The following SPATA17 variants were observed in gnomAD, a reference collection of about 807,000 sequenced individuals.
SPATA17 encodes the protein spermatogenesis associated 17.
A neutral mutation model predicts 62.2 loss-of-function variants in SPATA17; 53 were observed. The observed-to-expected ratio is 0.85, with a 90% confidence interval of 0.68 to 1.07. The LOEUF is 1.07. Among genes scored for constraint, SPATA17 ranks in the 50% least tolerant of loss-of-function variants. The pLI, the probability that SPATA17 is intolerant of heterozygous loss-of-function variation, is 0.00. For missense variants in SPATA17, 466 were observed against 425.5 expected, an observed-to-expected ratio of 1.10 and a Z score of -0.84; for synonymous variants, 146 against 146.8, an observed-to-expected ratio of 0.99 and a Z score of 0.04.
intron 9 of SPATA17, among the ~76,000 whole-genome samples, chr1:217,811,709 A>G (rs1050835619): frequency 6.6e-6 from 1 of 151,748 alleles, no homozygotes; most frequent in Non-Finnish European, 1.5e-5. Context: ...AAAAAAAAAA[A>G]ACTATGTCTC....
chr1:217,713,854 A>T (rs1671933832), intron 5 of SPATA17, among the ~76,000 whole-genome samples: 1 of 152,232 alleles, frequency 6.6e-6, no homozygotes, highest in African/African-American at 2.4e-5. Flanking sequence ...ACGCTACTTC[A>T]TGTTTACAAA....
At chr1:217,770,864 G>A in intron 6 of SPATA17, among the ~76,000 whole-genome samples, 1 of 151,224 alleles carries the variant, frequency 6.6e-6, no homozygotes, top group East Asian at 1.9e-4. Flanking sequence ...TGGTACGTTT[G>A]CTCGTTGCTC....
intron 6 of SPATA17, among the ~76,000 whole-genome samples, chr1:217,764,586 A>G (rs1673253089): frequency 6.6e-6 from 1 of 152,146 alleles, no homozygotes; most frequent in African/African-American, 2.4e-5. Context: ...GTAAATATAT[A>G]AGAACACAAT....
rs1676111157 is a variant in SPATA17, at chr1:217,870,628, C to T, written c.*3609C>T. On this transcript the variant is annotated 3_prime_UTR_variant, in exon 11 of 11. Transcript: ENST00000366933. ...TTATGTTTGACCAAAGCTGGTAATT[C>T]CTTGATCTTATTCTCCAAACTTGAT... 6.6e-6 allele frequency: 1 copy of T among 152,124 alleles called. No individual in the cohort carries two copies. Among genetic ancestry groups the T allele is most frequent in the Non-Finnish European group, 1.5e-5 (1 of 68,040 alleles). 9.4% of individuals were successfully genotyped at this position (152,124 alleles called of 1,614,324 possible).
chr1:217,847,593 C>T (rs1183194107), intron 9 of SPATA17, among the ~76,000 whole-genome samples: 2 of 152,038 alleles, frequency 1.3e-5, no homozygotes, highest in Non-Finnish European at 2.9e-5. Context: ...TACTAATTTC[C>T]GTTGACTATC....
chr1:217,705,001 A>G (rs556989719), intron 5 of SPATA17, among the ~76,000 whole-genome samples: 1 of 152,198 alleles, frequency 6.6e-6, no homozygotes, highest in African/African-American at 2.4e-5. Flanking sequence ...AAAAGGCTCA[A>G]CTAATTTACA....
At chr1:217,847,505 A>G (rs1196680578) in intron 9 of SPATA17, among the ~76,000 whole-genome samples, 1 of 152,132 alleles carries the variant, frequency 6.6e-6, no homozygotes, top group African/African-American at 2.4e-5. Context: ...TGAAATATAG[A>G]CATTAAATAT....
At chr1:217,830,548 G>T (rs1477745437) in intron 9 of SPATA17, among the ~76,000 whole-genome samples, 1 of 152,050 alleles carries the variant, frequency 6.6e-6, no homozygotes, top group East Asian at 1.9e-4. Flanking sequence ...TCATTTTATT[G>T]TGATATACTT....
At chr1:217,650,493 T>G (rs904782997) in intron 2 of SPATA17, among the ~76,000 whole-genome samples, 4 of 151,810 alleles carry the variant, frequency 2.6e-5, no homozygotes, top group African/African-American at 7.3e-5. Context: ...CTCGGCTCAC[T>G]GCAACCTCTG....
chr1:217,696,447 C>A (rs1001820305), intron 5 of SPATA17, among the ~76,000 whole-genome samples: 3 of 152,184 alleles, frequency 2.0e-5, no homozygotes, highest in Non-Finnish European at 4.4e-5. Context: ...AGAAATCACC[C>A]GTCTTCTGCG....
At chr1:217,641,006 G>A (rs6679200) in intron 1 of SPATA17, among the ~76,000 whole-genome samples, 7,795 of 151,946 alleles carry the variant, frequency 0.051, 659 homozygotes, top group African/African-American at 0.18. Flanking sequence ...TTGAGCATCG[G>A]TTAATCAGGT....
In SPATA17 at chr1:217,669,103, T is replaced by G; in HGVS notation, c.291+20T>G. 6.2e-7 allele frequency: 1 copy of G among 1,606,716 alleles called. No homozygotes were observed. Among genetic ancestry groups the G allele is most frequent in the South Asian group, 1.1e-5 (1 of 89,876 alleles). On this transcript the variant is annotated intron_variant, in intron 4 of 10. Transcript: ENST00000366933. ...GTCAGGGTAAATATTTCTTCACTTG[T>G]TAAACAAATGAAAAGTCAATTGTGC...
intron 5 of SPATA17, among the ~76,000 whole-genome samples, chr1:217,706,603 G>A (rs966478030): frequency 6.6e-6 from 1 of 152,172 alleles, no homozygotes; most frequent in Non-Finnish European, 1.5e-5. Context: ...ATGATTGTAA[G>A]TTTCCTAAGG....
intron 5 of SPATA17, among the ~76,000 whole-genome samples, chr1:217,732,027 C>G (rs1277426324): frequency 6.6e-6 from 1 of 151,840 alleles, no homozygotes; most frequent in African/African-American, 2.4e-5. Flanking sequence ...CTAAATCTAT[C>G]CTTTTCCCCT....
chr1:217,663,316 G>A (rs913833390), intron 3 of SPATA17, among the ~76,000 whole-genome samples: 9 of 151,752 alleles, frequency 5.9e-5, no homozygotes, highest in South Asian at 2.1e-4. Flanking sequence ...ATAGTGGCTC[G>A]CGCTTGTAAT....
chr1:217,746,905 T>C (rs1480776711), intron 6 of SPATA17, among the ~76,000 whole-genome samples: 2 of 152,046 alleles, frequency 1.3e-5, no homozygotes, highest in African/African-American at 2.4e-5. Flanking sequence ...TGGTACCTTA[T>C]TTGCATAAAT....
chr1:217,795,776 T>C (rs1674120909), intron 8 of SPATA17, among the ~76,000 whole-genome samples: 1 of 152,032 alleles, frequency 6.6e-6, no homozygotes, highest in Admixed American at 6.6e-5. Context: ...TATAGTTGTT[T>C]GTATTTCTTG....
At chr1:217,859,908 G>C (rs1675862984) in intron 9 of SPATA17, among the ~76,000 whole-genome samples, 1 of 151,766 alleles carries the variant, frequency 6.6e-6, no homozygotes, top group African/African-American at 2.4e-5. Flanking sequence ...GTTGATTTTT[G>C]CTCTGATTTT....
intron 6 of SPATA17, among the ~76,000 whole-genome samples, chr1:217,763,864 TAAG>T (rs1673234808): frequency 6.6e-6 from 1 of 152,126 alleles, no homozygotes; most frequent in African/African-American, 2.4e-5. Flanking sequence ...GTTTTTGACT[TAAG>T]AAGCTGAGGA....
Sources: allele counts gnomAD v4.1 joint callset (sites outside exome capture counted in the v4.1 genomes callset), GRCh38; gene constraint gnomAD v4.1.1; transcripts MANE v1.5; gene names NCBI Gene and HGNC (gene_info 2026-07-23, HGNC 2026-07-21).